The following FOCAD variants were observed in gnomAD, a reference collection of about 807,000 sequenced individuals.
FOCAD encodes the protein focadhesin.
A neutral mutation model predicts 225.6 loss-of-function variants in FOCAD; 198 were observed. The ratio of observed to expected loss-of-function variants is 0.88; its 90% confidence interval spans 0.78 to 0.99. FOCAD has a LOEUF of 0.99. FOCAD is among the 50% of genes least tolerant of loss of function. The pLI, the probability that FOCAD is intolerant of heterozygous loss-of-function variation, is 0.00. For missense variants in FOCAD, 2,713 were observed against 2,123.6 expected (o/e 1.28, Z -5.46); for synonymous variants, 897 against 755.0 (o/e 1.19, Z -3.08).
intron 15 of FOCAD, among the ~76,000 whole-genome samples, chr9:20,856,254 G>A (rs919888180): frequency 2.6e-5 from 4 of 151,786 alleles, no homozygotes; most frequent in Admixed American, 2.0e-4. Flanking sequence ...ATTCTCACCA[G>A]CATTCATTAT....
In FOCAD at chr9:20,758,048, T is replaced by C. The variant is rs1419854914; in HGVS notation, c.393-42T>C. ...ATATTTGGATATTGAAAATGTGTAG[T>C]CCTGAATAACAGGTTCCCATGTGAC... On this transcript the variant is annotated intron_variant, in intron 5 of 43. Transcript: ENST00000338382. 7 of 1,376,432 alleles carry C rather than the reference T, an allele frequency of 5.1e-6. No homozygotes were observed. In the Admixed American group the frequency reaches 1.3e-4, roughly 26 times the overall value. 85.3% of individuals were successfully genotyped at this position (1,376,432 alleles called of 1,614,324 possible). A position where few individuals can be genotyped will look rare whatever the true frequency, so the allele number is the denominator to read the frequency against.
At chr9:20,881,797 G>C (rs1830685745) in intron 19 of FOCAD, 74 bp from the exon 20 acceptor site, 2 of 1,444,972 alleles carry the variant, frequency 1.4e-6, no homozygotes, top group Non-Finnish European at 1.9e-6. Context: ...GTTTGTATAT[G>C]AGTTAAGAAC....
chr9:20,737,779 A>C (rs1375106289), intron 4 of FOCAD, among the ~76,000 whole-genome samples: 3 of 152,168 alleles, frequency 2.0e-5, no homozygotes, highest in African/African-American at 2.4e-5. Flanking sequence ...GAGCTGCAGG[A>C]CTGCATCCCT....
chr9:20,930,305 T>C (rs1280985319), intron 27 of FOCAD, among the ~76,000 whole-genome samples: 1 of 152,314 alleles, frequency 6.6e-6, no homozygotes, highest in African/African-American at 2.4e-5. Flanking sequence ...ATACTGCTTA[T>C]TATTTATTTT....
chr9:20,818,628 C>G (rs144959759), intron 11 of FOCAD, among the ~76,000 whole-genome samples: 332 of 152,098 alleles, frequency 2.2e-3, no homozygotes, highest in Middle Eastern at 6.8e-3. Flanking sequence ...AGAGACTCTT[C>G]TTTCCTTATT....
At chr9:20,797,832 CTTTA>C (rs1344387015) in intron 11 of FOCAD, among the ~76,000 whole-genome samples, 4 of 152,122 alleles carry the variant, frequency 2.6e-5, no homozygotes, top group African/African-American at 9.7e-5. Context: ...ATTGAATACC[CTTTA>C]TTTCCTTCTT....
chr9:20,945,899 G>GT (rs376333164), intron 29 of FOCAD, among the ~76,000 whole-genome samples: 13 of 152,200 alleles, frequency 8.5e-5, no homozygotes, highest in African/African-American at 3.1e-4. Flanking sequence ...TATAAGGGAG[G>GT]TTTTTTATCA....
At chr9:20,796,371 C>T (rs201868392) in intron 11 of FOCAD, among the ~76,000 whole-genome samples, 1 of 152,116 alleles carries the variant, frequency 6.6e-6, no homozygotes, top group African/African-American at 2.4e-5. Flanking sequence ...CTAGTTCTAG[C>T]TCCCTGAGGA....
chr9:20,957,671 C>CT (rs1564203443), intron 35 of FOCAD: 1 of 51,392 alleles, frequency 1.9e-5, no homozygotes, highest in Non-Finnish European at 3.6e-5. Context: ...ATATCTCTCT[C>CT]TCTTTTTTTT....
intron 5 of FOCAD, among the ~76,000 whole-genome samples, chr9:20,743,381 TCTTA>T (rs1009905354): frequency 3.3e-5 from 5 of 152,226 alleles, no homozygotes; most frequent in African/African-American, 7.2e-5. Flanking sequence ...CTTAAGTATT[TCTTA>T]CTTCTTTTTC....
rs144942209 is a variant in FOCAD at position 20,922,335 on chromosome 9, T to C, written c.2853-1325T>C. Among the ~76,000 whole-genome samples, 307 of 143,650 alleles carry C rather than the reference T, an allele frequency of 2.1e-3. 1 individual carries two copies. Among genetic ancestry groups the C allele is most frequent in the Non-Finnish European group, 3.7e-3 (231 of 63,036 alleles). The allele number at this position is 143,650 out of a possible 152,430, so 94.2% of individuals were successfully genotyped here. On this transcript the variant is annotated intron_variant, in intron 24 of 43. Coordinates refer to ENST00000338382, the MANE Select transcript of FOCAD (RefSeq NM_001375567.1). ...TTGACAGGCCTTATAGAGGAATACA[T>C]TGAGGTGGGGGGGTGGTGGTGAACA...
intron 23 of FOCAD, among the ~76,000 whole-genome samples, chr9:20,913,728 A>C (rs914033434): frequency 1.3e-5 from 2 of 152,200 alleles, no homozygotes; most frequent in African/African-American, 4.8e-5. Context: ...ATTTATCAAA[A>C]AATGGCAATG....
At chr9:20,874,841 T>C (rs1176232360) in intron 19 of FOCAD, 34 bp downstream of exon 19, 1 of 1,612,518 alleles carries the variant, frequency 6.2e-7, no homozygotes, top group Non-Finnish European at 8.5e-7. Context: ...AAGCTAGCAT[T>C]TTTTAGTGGT....
intron 26 of FOCAD, chr9:20,928,814 G>A (rs1835192140): frequency 6.6e-6 from 1 of 152,298 alleles, no homozygotes; most frequent in African/African-American, 2.4e-5. Context: ...ACTGGGAAGT[G>A]TTCCCACCAA....
chr9:20,800,136 G>T (rs896386783), intron 11 of FOCAD, among the ~76,000 whole-genome samples: 3 of 151,998 alleles, frequency 2.0e-5, no homozygotes, highest in Non-Finnish European at 4.4e-5. Context: ...TGAAATTCTG[G>T]GTTCAAAATT....
chr9:20,960,526 G>C (rs939692631), intron 35 of FOCAD, among the ~76,000 whole-genome samples: 1 of 151,942 alleles, frequency 6.6e-6, no homozygotes, highest in Non-Finnish European at 1.5e-5. Flanking sequence ...AATACTTCTT[G>C]CCTGAATTAT....
At chr9:20,925,578 A>C (rs1564160461) in intron 25 of FOCAD, among the ~76,000 whole-genome samples, 1 of 152,226 alleles carries the variant, frequency 6.6e-6, no homozygotes. Context: ...ACCACCAACA[A>C]AAGATTTGAA....
chr9:20,976,864 A>G (rs997657042), intron 36 of FOCAD, among the ~76,000 whole-genome samples: 1 of 152,204 alleles, frequency 6.6e-6, no homozygotes, highest in African/African-American at 2.4e-5. Context: ...TTCCAGAGCC[A>G]TAGGTTTCGA....
At chr9:20,770,742 A>G (rs1449689541) in intron 8 of FOCAD, among the ~76,000 whole-genome samples, 2 of 152,214 alleles carry the variant, frequency 1.3e-5, no homozygotes, top group African/African-American at 2.4e-5. Context: ...TTTAGTTTGC[A>G]TATTAGAGGC....
Sources: allele counts gnomAD v4.1 joint callset (sites outside exome capture counted in the v4.1 genomes callset), GRCh38; gene constraint gnomAD v4.1.1; transcripts MANE v1.5; gene names NCBI Gene and HGNC (gene_info 2026-07-23, HGNC 2026-07-21).